GLRX2: variants seen among roughly 807,000 people sequenced by gnomAD.
GLRX2 encodes the protein bA101E13.1 (GRX2 glutaredoxin (thioltransferase) 2).
Under a neutral mutation model 16.4 loss-of-function variants are expected in GLRX2, and 12 were observed. The ratio of observed to expected loss-of-function variants is 0.73; its 90% confidence interval spans 0.47 to 1.19. The LOEUF (loss-of-function observed/expected upper bound fraction) is 1.19. Among genes scored for constraint, GLRX2 ranks in the 50% most tolerant of loss-of-function variants. The pLI is 0.00. For missense variants in GLRX2, 201 were observed against 201.8 expected, an observed-to-expected ratio of 1.00 and a Z score of 0.02; for synonymous variants, 95 against 76.2, an observed-to-expected ratio of 1.25 and a Z score of -1.28.
At chr1:193,105,569 C>T (rs2103103427), upstream of GLRX2, 1 of 1,605,526 alleles carries the variant, frequency 6.2e-7, no homozygotes, top group Non-Finnish European at 8.5e-7. Flanking sequence ...TGGATTCCAG[C>T]GAGTGCCACC....
At chr1:193,098,509 TGG>T (rs1675004991) in intron 2 of GLRX2, among the ~76,000 whole-genome samples, 1 of 152,036 alleles carries the variant, frequency 6.6e-6, no homozygotes, top group African/African-American at 2.4e-5. Flanking sequence ...ACACAGTAAG[TGG>T]ACTCTGTCTC....
In GLRX2 at chr1:193,105,364, C is replaced by G; in HGVS notation, c.19G>C (p.Ala7Pro). The G allele has an allele frequency of 1.3e-6, 2 of 1,546,864 alleles. No homozygotes were observed. Among genetic ancestry groups the G allele is most frequent in the Non-Finnish European group, 1.7e-6 (2 of 1,157,158 alleles). Residue 7 changes from alanine (A) to proline (P), a missense_variant, in exon 1 of 4, where the codon GCG (alanine) becomes CCG (proline). Transcript: ENST00000367439. MIWRRA[A>P]LAGTRLVWSR... ...CAAACCAGCCGCGTCCCCGCCAGCG[C>G]CGCGCGGCGCCAAATCATGGTCAGA...
intron 3 of GLRX2, 144 bp downstream of exon 3, chr1:193,097,440 T>C: frequency 1.8e-6 from 1 of 545,414 alleles, no homozygotes; most frequent in Non-Finnish European, 3.1e-6. Context: ...TTTCCTATTC[T>C]AAGAATCTGG....
intron 1 of GLRX2, among the ~76,000 whole-genome samples, chr1:193,103,118 A>C (rs908028104): frequency 5.3e-5 from 8 of 152,276 alleles, no homozygotes; most frequent in African/African-American, 1.9e-4. Context: ...AGGTACGTCA[A>C]AGAGAAGCCC....
At chr1:193,102,566 T>C (rs1675101461) in intron 1 of GLRX2, among the ~76,000 whole-genome samples, 1 of 152,194 alleles carries the variant, frequency 6.6e-6, no homozygotes, top group Non-Finnish European at 1.5e-5. Context: ...TTGACCATGC[T>C]GGTCTCGAAC....
chr1:193,097,886 AT>A (rs1227422028), intron 2 of GLRX2, 126 bp from the exon 3 acceptor site: 1 of 536,604 alleles, frequency 1.9e-6, no homozygotes, highest in East Asian at 3.3e-5. Context: ...AGCATCATCT[AT>A]TTTTTCTCAT....
At chr1:193,105,085 G>A (rs1675158947) in intron 1 of GLRX2, 179 bp downstream of exon 1, 1 of 586,652 alleles carries the variant, frequency 1.7e-6, no homozygotes, top group African/African-American at 2.0e-5. Flanking sequence ...CAGCCGCGGA[G>A]GGCACCCTTC....
intron 2 of GLRX2, among the ~76,000 whole-genome samples, chr1:193,098,763 C>A (rs1675011381): frequency 1.3e-5 from 2 of 151,984 alleles, no homozygotes; most frequent in South Asian, 4.1e-4. Flanking sequence ...GTTGGCCAGG[C>A]TCGTCTCAAA....
At chr1:193,099,576 C>T (rs1189490327) in intron 2 of GLRX2, among the ~76,000 whole-genome samples, 1 of 152,168 alleles carries the variant, frequency 6.6e-6, no homozygotes, top group Non-Finnish European at 1.5e-5. Flanking sequence ...AAGCAATCTA[C>T]CTGCCTCGGC....
rs1456468669 is a variant in GLRX2, at chr1:193,096,790, TTACTC to T, written c.361-36_361-32del. 8 of 1,562,034 alleles carry T rather than the reference TTACTC, an allele frequency of 5.1e-6. No homozygotes were observed. The East Asian group carries it at 6.8e-5, about 13-fold the overall frequency. On this transcript the variant is annotated intron_variant, in intron 3 of 3. Coordinates refer to ENST00000367439, the MANE Select transcript of GLRX2 (RefSeq NM_197962.3). ...GGACAAACAAAAGAAGAATTAGGCT[TTACTC>T]TAGTATCAGAACTAAGATCATTTCA...
At chr1:193,105,675 C>T (rs200632315), upstream of GLRX2, 2 of 1,584,416 alleles carry the variant, frequency 1.3e-6, no homozygotes, top group Admixed American at 1.8e-5. Context: ...GGTTTAGGGA[C>T]GCTCATAAAG....
rs756310740 is a variant in GLRX2, at chr1:193,101,149, G to A, written c.175C>T (p.Gln59Ter). 1.2e-6 allele frequency: 2 copies of A among 1,608,386 alleles called. No individual in the cohort carries two copies. The highest frequency in any genetic ancestry group is 8.5e-7 in the Non-Finnish European group (1 of 1,174,930). ...LENLATAPVN[Q>*]IQETISDNCV... ...TCTCCCACATCACTCACTTGGATCT[G>A]GTTCACAGGCGCCGTCGCTAAATTC... The change falls in exon 2 of 4, where the codon CAG becomes TAG. Residue 59 changes from glutamine (Q) to a stop codon, truncating the protein, a stop_gained. Transcript: ENST00000367439. LOFTEE classifies it high-confidence loss of function.
rs373517600 is a variant in GLRX2, at chr1:193,105,060, C to T, written c.119+204G>A. The stretch of plus-strand genomic sequence containing the variant: ...GTATTTTCAACGCGAGAGTCACAGG[C>T]TCCTGAAGTCAGCACAGCCGCGGAG... On this transcript the variant is annotated intron_variant, in intron 1 of 3. Transcript: ENST00000367439. 3.9e-5 allele frequency among the ~76,000 whole-genome samples: 6 copies of T among 152,200 alleles called. No individual in the cohort carries two copies. In the East Asian group the frequency reaches 9.7e-4, roughly 25 times the overall value.
At position 193,105,373 on chromosome 1, in the gene GLRX2, G is replaced by C; in HGVS notation, c.10C>G (p.Arg4Gly). The change falls in exon 1 of 4, where the codon CGC becomes GGC. Residue 4 changes from arginine to glycine, a missense_variant. Arg to Gly is a moderately radical substitution (Grantham distance 125, BLOSUM62 -2). Transcript: ENST00000367439. ...CGCGTCCCCGCCAGCGCCGCGCGGC[G>C]CCAAATCATGGTCAGAGCCCGGATC... is the stretch of plus-strand genomic sequence containing the variant. The part of the protein sequence containing the change: MIW[R>G]RAALAGTRLV... 2 of 1,543,688 alleles carry C rather than the reference G, an allele frequency of 1.3e-6. No individual in the cohort carries two copies. Among genetic ancestry groups the C allele is most frequent in the Non-Finnish European group, 8.7e-7 (1 of 1,155,618 alleles).
chr1:193,097,818 T>C, intron 2 of GLRX2, 58 bp from the exon 3 acceptor site: 1 of 1,232,254 alleles, frequency 8.1e-7, no homozygotes, highest in Non-Finnish European at 1.1e-6. Context: ...TGGAAATAAA[T>C]TAAGATATAA....
intron 1 of GLRX2, among the ~76,000 whole-genome samples, chr1:193,104,811 G>A (rs1382497845): frequency 6.6e-6 from 1 of 152,282 alleles, no homozygotes; most frequent in East Asian, 1.9e-4. Flanking sequence ...ACTTCCTGCA[G>A]TAGGGTGGCT....
In GLRX2 at chr1:193,096,592, G is replaced by C. The variant is rs184415012; in HGVS notation, c.*33C>G. The C allele has an allele frequency of 2.3e-6, 3 of 1,328,766 alleles. No individual in the cohort carries two copies. The highest frequency in any genetic ancestry group is 3.2e-6 in the Non-Finnish European group (3 of 948,048). The allele number at this position is 1,328,766 out of a possible 1,614,324, so 82.3% of individuals were successfully genotyped here. On this transcript the variant is annotated 3_prime_UTR_variant, in exon 4 of 4. Transcript: ENST00000367439. ...TCGGGCATTACCACTTTAAATAACT[G>C]ACACTGTACTAGCAAACTTATTAGT...
intron 2 of GLRX2, 62 bp from the exon 3 acceptor site, chr1:193,097,822 G>A (rs978026809): frequency 3.4e-6 from 4 of 1,189,348 alleles, no homozygotes; most frequent in Non-Finnish European, 4.6e-6. Flanking sequence ...AATAAATTAA[G>A]ATATAATGGA....
intron 2 of GLRX2, among the ~76,000 whole-genome samples, 154 bp downstream of exon 2, chr1:193,100,987 T>A (rs1043673193): frequency 1.3e-5 from 2 of 152,250 alleles, no homozygotes; most frequent in African/African-American, 4.8e-5. Context: ...GTCACAAGGA[T>A]GATTTTCATA....
Sources: allele counts gnomAD v4.1 joint callset (sites outside exome capture counted in the v4.1 genomes callset), GRCh38; gene constraint gnomAD v4.1.1; transcripts MANE v1.5; gene names NCBI Gene and HGNC (gene_info 2026-07-23, HGNC 2026-07-21).